HIP1: variants seen among roughly 807,000 people sequenced by gnomAD.
The protein encoded by HIP1 is huntingtin-interacting protein 1.
HIP1 carries 65 observed loss-of-function variants against 147.6 expected under a neutral mutation model. That is an observed-to-expected ratio of 0.44 (90% CI 0.36 to 0.54). HIP1 has a LOEUF of 0.54. Among genes scored for constraint, HIP1 ranks in the 20% least tolerant of loss-of-function variants. The probability of loss-of-function intolerance (pLI) is 0.00; values close to 1 mark genes in which losing one functional copy is unlikely to be tolerated. For synonymous variants in HIP1, 479 were observed against 504.0 expected (o/e 0.95, Z 0.67); for missense variants, 1,061 against 1,299.6 (o/e 0.82, Z 2.82).
intron 1 of HIP1, among the ~76,000 whole-genome samples, chr7:75,717,252 G>C (rs1801350904): frequency 6.6e-6 from 1 of 152,130 alleles, no homozygotes; most frequent in Non-Finnish European, 1.5e-5. Flanking sequence ...TGGATCATTG[G>C]TGATAAATAC....
At chr7:75,645,776 C>T (rs1434878889) in intron 1 of HIP1, among the ~76,000 whole-genome samples, 3 of 152,154 alleles carry the variant, frequency 2.0e-5, no homozygotes, top group South Asian at 2.1e-4. Flanking sequence ...AGAATGAAAT[C>T]GTGTCCTTTG....
At chr7:75,687,691 CAAACA>C (rs782591601) in intron 1 of HIP1, among the ~76,000 whole-genome samples, 2 of 152,122 alleles carry the variant, frequency 1.3e-5, no homozygotes, top group Non-Finnish European at 2.9e-5. Flanking sequence ...AACTCCGTCT[CAAACA>C]AAACAAAACA....
chr7:75,647,907 G>C (rs1199156328), intron 1 of HIP1, among the ~76,000 whole-genome samples: 2 of 152,272 alleles, frequency 1.3e-5, no homozygotes, highest in Non-Finnish European at 2.9e-5. Context: ...TGAACCAGGT[G>C]AGTTCTATGC....
rs60972195 is a variant in HIP1, at chr7:75,647,211, CAAAAAAAAAAAAAAAAAAAAA to C, written c.121-47985_121-47965del. 6.0e-4 allele frequency among the ~76,000 whole-genome samples: 35 copies of C among 58,008 alleles called. 1 individual carries two copies. The highest frequency in any genetic ancestry group is 0.013 in the Middle Eastern group (1 of 78). 38.1% of individuals were successfully genotyped at this position (58,008 alleles called of 152,430 possible). On this transcript the variant is annotated intron_variant, in intron 1 of 30. Transcript: ENST00000336926. ...CGAAACCCCATCTCTACTAAAAATA[CAAAAAAAAAAAAAAAAAAAAA>C]AAAAAAAAAAAAAAAATTAGCCAGA...
intron 7 of HIP1, among the ~76,000 whole-genome samples, chr7:75,575,261 G>GACC (rs1242804267): frequency 6.6e-6 from 1 of 152,064 alleles, no homozygotes; most frequent in Non-Finnish European, 1.5e-5. Flanking sequence ...AGTAGTTCGA[G>GACC]ACCAGCCTGG....
chr7:75,700,140 C>T (rs1324610290), intron 1 of HIP1, among the ~76,000 whole-genome samples: 2 of 152,178 alleles, frequency 1.3e-5, no homozygotes, highest in Admixed American at 6.5e-5. Flanking sequence ...CATGAGCCAC[C>T]GTGCCTGGCC....
intron 1 of HIP1, among the ~76,000 whole-genome samples, chr7:75,599,592 G>A (rs587752151): frequency 6.6e-5 from 10 of 152,226 alleles, no homozygotes; most frequent in African/African-American, 2.4e-4. Context: ...TATTTCTCCC[G>A]GAGCAGGAGG....
chr7:75,668,394 A>G (rs766841713), intron 1 of HIP1, among the ~76,000 whole-genome samples: 10 of 152,104 alleles, frequency 6.6e-5, no homozygotes, highest in Non-Finnish European at 1.3e-4. Flanking sequence ...GTGCCATCTC[A>G]GCTCACTGCA....
intron 1 of HIP1, among the ~76,000 whole-genome samples, chr7:75,704,369 C>T (rs1490999878): frequency 2.0e-5 from 3 of 151,766 alleles, no homozygotes; most frequent in Non-Finnish European, 4.4e-5. Flanking sequence ...CTCAGCCTCC[C>T]GAGTAGCTGG....
chr7:75,703,262 A>C (rs1395653640), intron 1 of HIP1, among the ~76,000 whole-genome samples: 1 of 151,866 alleles, frequency 6.6e-6, no homozygotes, highest in Non-Finnish European at 1.5e-5. Flanking sequence ...GTGGGAGGAC[A>C]GCCTGAACCC....
At chr7:75,649,560 C>A (rs2117183259) in intron 1 of HIP1, among the ~76,000 whole-genome samples, 1 of 152,310 alleles carries the variant, frequency 6.6e-6, no homozygotes, top group Admixed American at 6.5e-5. Context: ...TTCACCCCAG[C>A]TGCACACTCC....
intron 1 of HIP1, among the ~76,000 whole-genome samples, chr7:75,669,088 G>A (rs1481950119): frequency 1.3e-5 from 2 of 152,056 alleles, no homozygotes; most frequent in African/African-American, 2.4e-5. Context: ...AAAACAGGCC[G>A]GGTGTGGTGG....
intron 1 of HIP1, among the ~76,000 whole-genome samples, chr7:75,704,734 C>T (rs550478954): frequency 8.6e-5 from 13 of 150,848 alleles, no homozygotes; most frequent in Admixed American, 2.0e-4. Context: ...CCATCATGCC[C>T]GGCTAATTTT....
At chr7:75,558,094 G>T in intron 15 of HIP1, 73 bp downstream of exon 15, 1 of 1,261,990 alleles carries the variant, frequency 7.9e-7, no homozygotes, top group Non-Finnish European at 1.2e-6. Context: ...CCCCGGGGAA[G>T]CCACAGGCCT....
rs782794159 is a variant in HIP1 at position 75,592,471 on chromosome 7, G to A, written c.228C>T (p.Phe76=). The A allele has an allele frequency of 6.2e-7, 1 of 1,611,454 alleles. No homozygotes were observed. Among genetic ancestry groups the A allele is most frequent in the African/African-American group, 1.3e-5 (1 of 74,820 alleles). Residue 76 remains phenylalanine (F), a synonymous_variant, in exon 3 of 31, where the codon TTC becomes TTT. Coordinates refer to ENST00000336926, the MANE Select transcript of HIP1 (RefSeq NM_005338.7). ...GAGGCAGGCGGTTGACAACAGACCA[G>A]AAGGTCTGTGCCCCTTTCTCATGGT... ...GTHHEKGAQT[F]WSVVNRLPLS... is the part of the protein sequence containing the mutation.
chr7:75,659,984 G>C (rs1430338104), intron 1 of HIP1, among the ~76,000 whole-genome samples: 1 of 151,678 alleles, frequency 6.6e-6, no homozygotes, highest in Admixed American at 6.6e-5. Flanking sequence ...AAATTAGCTG[G>C]GCATGGTGGT....
intron 1 of HIP1, among the ~76,000 whole-genome samples, chr7:75,636,350 CA>C (rs587671233): frequency 0.25 from 29,215 of 116,874 alleles, 3,043 homozygotes; most frequent in Non-Finnish European, 0.31. Context: ...GACTCTGTCT[CA>C]AAAAAAAAAA....
At chr7:75,644,275 T>C (rs1349543085) in intron 1 of HIP1, among the ~76,000 whole-genome samples, 1 of 152,164 alleles carries the variant, frequency 6.6e-6, no homozygotes, top group East Asian at 1.9e-4. Context: ...GGCTAGCTCT[T>C]GGAAGCTTCT....
intron 22 of HIP1, among the ~76,000 whole-genome samples, chr7:75,549,334 C>T (rs1368277517): frequency 2.0e-5 from 3 of 151,208 alleles, no homozygotes. Context: ...TATTTTTTTA[C>T]AATTTTTCTT....
Sources: allele counts gnomAD v4.1 joint callset (sites outside exome capture counted in the v4.1 genomes callset), GRCh38; gene constraint gnomAD v4.1.1; transcripts MANE v1.5; gene names NCBI Gene and HGNC (gene_info 2026-07-23, HGNC 2026-07-21).